Variants in PDGFC observed in about 807,000 individuals in gnomAD.
PDGFC encodes the protein platelet-derived growth factor C.
In PDGFC, 12 loss-of-function variants were observed where a neutral mutation model predicts 35.5. The observed-to-expected ratio is 0.34, with a 90% CI of 0.22 to 0.55. The LOEUF (loss-of-function observed/expected upper bound fraction) is 0.55. Among genes scored for constraint, PDGFC ranks in the 20% least tolerant of loss-of-function variants. The pLI is 0.91. For synonymous variants in PDGFC, 159 were observed against 148.8 expected (o/e 1.07, Z -0.50); for missense variants, 322 against 412.4 (o/e 0.78, Z 1.90).
At chr4:156,928,208 G>C (rs2110866779) in intron 1 of PDGFC, among the ~76,000 whole-genome samples, 1 of 152,214 alleles carries the variant, frequency 6.6e-6, no homozygotes, top group South Asian at 2.1e-4. Flanking sequence ...TGGGGACACA[G>C]AGCTAAACCA....
chr4:156,840,290 C>T (rs1173457134), intron 2 of PDGFC, among the ~76,000 whole-genome samples: 3 of 152,148 alleles, frequency 2.0e-5, no homozygotes, highest in African/African-American at 2.4e-5. Context: ...GCCCTGAATC[C>T]CAGCAGCTCC....
chr4:156,896,126 A>G (rs115324160), intron 1 of PDGFC, among the ~76,000 whole-genome samples: 1,587 of 152,340 alleles, frequency 0.01, 23 homozygotes, highest in African/African-American at 0.037. Context: ...CACATCAAAC[A>G]TAATGTACCT....
intron 2 of PDGFC, among the ~76,000 whole-genome samples, chr4:156,845,409 C>T (rs909923785): frequency 2.0e-5 from 3 of 151,484 alleles, no homozygotes; most frequent in Non-Finnish European, 4.4e-5. Context: ...GAGAGAGAAG[C>T]TAGCCATGTG....
intron 1 of PDGFC, among the ~76,000 whole-genome samples, chr4:156,875,565 T>C (rs1033736164): frequency 6.6e-6 from 1 of 152,194 alleles, no homozygotes; most frequent in Non-Finnish European, 1.5e-5. Flanking sequence ...AAAAAAATGC[T>C]GCAGCACAAG....
In PDGFC at chr4:156,905,936, C is replaced by T. The variant is rs141148523; in HGVS notation, c.119-55520G>A. Among the ~76,000 whole-genome samples, 529 of 151,770 alleles carry T rather than the reference C, an allele frequency of 3.5e-3. 4 individuals carry two copies. Among genetic ancestry groups the T allele is most frequent in the African/African-American group, 0.012 (499 of 41,152 alleles). ...CAAAAATACATCCTAGCTCTGCTTA[C>T]AAGCCTGTTATGTAAAGTGTCAGTG... On this transcript the variant is annotated intron_variant, in intron 1 of 5. Coordinates refer to ENST00000502773, the MANE Select transcript of PDGFC (RefSeq NM_016205.3).
At chr4:156,877,746 T>C (rs960335997) in intron 1 of PDGFC, among the ~76,000 whole-genome samples, 2 of 152,118 alleles carry the variant, frequency 1.3e-5, no homozygotes, top group African/African-American at 4.8e-5. Flanking sequence ...GGAAATAAAA[T>C]AAAATATACT....
intron 3 of PDGFC, among the ~76,000 whole-genome samples, chr4:156,809,261 T>C (rs997973269): frequency 2.6e-5 from 4 of 152,054 alleles, no homozygotes; most frequent in African/African-American, 9.7e-5. Context: ...GTCAATTTAA[T>C]TTCAATAATG....
At chr4:156,967,012 G>A (rs1212039115) in intron 1 of PDGFC, among the ~76,000 whole-genome samples, 2 of 149,856 alleles carry the variant, frequency 1.3e-5, no homozygotes, top group Non-Finnish European at 3.0e-5. Flanking sequence ...CAGAGAACCA[G>A]GAGGAAGTTT....
intron 5 of PDGFC, among the ~76,000 whole-genome samples, chr4:156,765,414 G>C (rs184247456): frequency 2.0e-5 from 3 of 152,300 alleles, no homozygotes; most frequent in Admixed American, 2.0e-4. Context: ...GATTGTGGAA[G>C]ATAGTAGATA....
chr4:156,962,201 CCTCTCCTCA>C (rs1732359861), intron 1 of PDGFC, among the ~76,000 whole-genome samples: 1 of 152,076 alleles, frequency 6.6e-6, no homozygotes, highest in Non-Finnish European at 1.5e-5. Context: ...CTTTTTCTAG[CCTCTCCTCA>C]CTCTCAACAT....
intron 3 of PDGFC, among the ~76,000 whole-genome samples, chr4:156,803,774 A>G (rs889108274): frequency 6.6e-6 from 1 of 152,150 alleles, no homozygotes; most frequent in Non-Finnish European, 1.5e-5. Flanking sequence ...AAAATGAAAG[A>G]ATATTTCTTG....
chr4:156,807,837 T>G (rs2110935009), intron 3 of PDGFC, among the ~76,000 whole-genome samples: 1 of 152,174 alleles, frequency 6.6e-6, no homozygotes, highest in South Asian at 2.1e-4. Flanking sequence ...CACTTAAAAT[T>G]TTTTCTGTAT....
chr4:156,952,657 A>C, intron 1 of PDGFC, among the ~76,000 whole-genome samples: 1 of 152,030 alleles, frequency 6.6e-6, no homozygotes, highest in African/African-American at 2.4e-5. Flanking sequence ...TGAGATTCCT[A>C]GCACTAAACA....
intron 1 of PDGFC, among the ~76,000 whole-genome samples, chr4:156,879,298 C>T (rs2111165641): frequency 6.6e-6 from 1 of 152,290 alleles, no homozygotes; most frequent in African/African-American, 2.4e-5. Flanking sequence ...TTGAAAGACT[C>T]GTTTCACACT....
At chr4:156,943,778 A>C (rs1731871518) in intron 1 of PDGFC, among the ~76,000 whole-genome samples, 1 of 152,138 alleles carries the variant, frequency 6.6e-6, no homozygotes, top group Admixed American at 6.6e-5. Flanking sequence ...TTAGAGAATT[A>C]AGTGCTCAGA....
chr4:156,970,287 AC>A (rs1430619137), intron 1 of PDGFC, among the ~76,000 whole-genome samples: 3 of 152,164 alleles, frequency 2.0e-5, no homozygotes, highest in Non-Finnish European at 4.4e-5. Flanking sequence ...TCCTCTAAAA[AC>A]GACCACACAG....
chr4:156,859,421 A>G (rs1411825611), intron 1 of PDGFC, among the ~76,000 whole-genome samples: 3 of 152,100 alleles, frequency 2.0e-5, no homozygotes, highest in Non-Finnish European at 4.4e-5. Flanking sequence ...AATAATGTCA[A>G]TAAGTGCTAA....
chr4:156,829,356 T>C (rs1451529111), intron 2 of PDGFC, among the ~76,000 whole-genome samples: 1 of 152,206 alleles, frequency 6.6e-6, no homozygotes, highest in African/African-American at 2.4e-5. Flanking sequence ...GATTTCATCA[T>C]TGTAATAAGT....
At chr4:156,908,808 A>C (rs988638689) in intron 1 of PDGFC, among the ~76,000 whole-genome samples, 1 of 152,198 alleles carries the variant, frequency 6.6e-6, no homozygotes, top group Admixed American at 6.6e-5. Flanking sequence ...AGTATTATTC[A>C]TAATACCCAA....
Sources: gnomAD v4.1 joint callset for allele counts (sites outside exome capture counted in the v4.1 genomes callset) on GRCh38, gnomAD v4.1.1 for gene constraint, MANE v1.5 for transcripts, NCBI Gene and HGNC (gene_info 2026-07-23, HGNC 2026-07-21) for gene names.